HMGN5: variants seen among roughly 807,000 people sequenced by gnomAD.
The protein encoded by HMGN5 is high mobility group nucleosome-binding domain-containing protein 5.
Under a neutral mutation model 9.5 loss-of-function variants are expected in HMGN5, and 4 were observed. The observed-to-expected ratio is 0.42, with a 90% confidence interval of 0.21 to 0.96. HMGN5 has a LOEUF of 0.96. Among genes scored for constraint, HMGN5 ranks in the 40% least tolerant of loss-of-function variants. The pLI, the probability that HMGN5 is intolerant of heterozygous loss-of-function variation, is 0.30. For missense variants in HMGN5, 192 were observed against 187.5 expected (o/e 1.02, Z -0.14); for synonymous variants, 55 against 57.1 (o/e 0.96, Z 0.16).
At chrX:81,151,812 T>G (rs961406980) in intron 1 of HMGN5, among the ~76,000 whole-genome samples, 2 of 110,836 alleles carry the variant, frequency 1.8e-5, no homozygotes, top group African/African-American at 6.6e-5. Context: ...TCCTGAGACT[T>G]TGCTGAAGTT....
intron 1 of HMGN5, among the ~76,000 whole-genome samples, chrX:81,139,147 C>T (rs1363715557): frequency 8.9e-6 from 1 of 112,162 alleles, no homozygotes; most frequent in African/African-American, 3.2e-5. Flanking sequence ...TGAAAATGCA[C>T]AGGTTCTAGA....
rs1294611125 is a variant in HMGN5 at position 81,118,449 on chromosome X, T to C, written c.112A>G (p.Arg38Gly). 1 of 1,179,244 alleles carries C rather than the reference T, an allele frequency of 8.5e-7. No homozygotes were observed. The highest frequency in any genetic ancestry group is 2.3e-5 in the Admixed American group (1 of 43,641). ...ATATTTACCCTTGAACTTGATGTTCTTTTAGGCTTCACCTCTGGTGTAACT... is the reference window on the plus strand; with the variant it reads ...ATATTTACCCTTGAACTTGATGTTCCTTTAGGCTTCACCTCTGGTGTAACT... ...VPVTPEVKPK[R>G]TSSSRKMKTK... The change falls in exon 5 of 7, where the codon AGA (arginine) becomes GGA (glycine). Residue 38 changes from arginine to glycine, a missense_variant. Coordinates refer to ENST00000358130, the MANE Select transcript of HMGN5 (RefSeq NM_030763.3).
chrX:81,196,514 A>T (rs992333186), intron 1 of HMGN5, among the ~76,000 whole-genome samples: 1 of 108,152 alleles, frequency 9.2e-6, no homozygotes, highest in Non-Finnish European at 1.9e-5. Context: ...ATGAGTTCTC[A>T]TGAGATCTCA....
rs1220454733 is a variant in HMGN5, at chrX:81,113,745, A to G, written c.*904T>C. On this transcript the variant is annotated 3_prime_UTR_variant, in exon 7 of 7. Coordinates refer to ENST00000358130, the MANE Select transcript of HMGN5 (RefSeq NM_030763.3). ...AAATGTTCAGAATAGGCAAATCCAT[A>G]GAGATAGAAGGCAGATTAGTGGTTG... 8.9e-6 allele frequency: 1 copy of G among 111,990 alleles called. No homozygotes were observed. The highest frequency in any genetic ancestry group is 1.9e-5 in the Non-Finnish European group (1 of 53,207). The allele number at this position is 111,990 out of a possible 1,213,427, so 9.2% of individuals were successfully genotyped here.
At chrX:81,175,466 G>A (rs1401087942) in intron 1 of HMGN5, among the ~76,000 whole-genome samples, 3 of 111,206 alleles carry the variant, frequency 2.7e-5, no homozygotes, top group South Asian at 3.8e-4. Flanking sequence ...AGAGTTACGA[G>A]ACTTGTGGAA....
chrX:81,181,255 C>T (rs1432499283), intron 1 of HMGN5, among the ~76,000 whole-genome samples: 2 of 110,939 alleles, frequency 1.8e-5, no homozygotes, highest in Admixed American at 9.6e-5. Context: ...AACACCAAAC[C>T]TTATTCATTA....
chrX:81,168,867 T>C (rs1198352977), intron 1 of HMGN5, among the ~76,000 whole-genome samples: 4 of 111,629 alleles, frequency 3.6e-5, no homozygotes, highest in Non-Finnish European at 7.5e-5. Context: ...GATGAGGCTG[T>C]CTTTTGCCTA....
intron 1 of HMGN5, among the ~76,000 whole-genome samples, chrX:81,174,071 T>C (rs769241351): frequency 1.8e-5 from 2 of 111,256 alleles, no homozygotes; most frequent in Non-Finnish European, 3.8e-5. Flanking sequence ...TATTATCATA[T>C]GTAAGATGAT....
chrX:81,195,265 A>C (rs777776922), intron 1 of HMGN5: 34 of 111,635 alleles, frequency 3.0e-4, no homozygotes, highest in African/African-American at 1.1e-3. Flanking sequence ...AAGCTGAAGA[A>C]CTTGTATTCC....
intron 1 of HMGN5, among the ~76,000 whole-genome samples, chrX:81,126,283 C>T (rs374746163): frequency 1.4e-3 from 149 of 109,891 alleles, no homozygotes; most frequent in African/African-American, 4.7e-3. Flanking sequence ...TTGGTAAACA[C>T]GAATTATGTT....
rs752284391 is a variant in HMGN5 at position 81,115,165 on chromosome X, C to A, written c.333G>T (p.Lys111Asn). 8.5e-7 allele frequency: 1 copy of A among 1,171,722 alleles called. No homozygotes were observed. Among genetic ancestry groups the A allele is most frequent in the East Asian group, 3.1e-5 (1 of 32,377 alleles). ...CCACTGCTTCTTTCTTTTCTCCTCC[C>A]TTTTCTGTGGCATCTTCAATATTTT... ...KEENIEDATE[K>N]GGEKKEAVAA... Residue 111 changes from lysine to asparagine, a missense_variant, in exon 7 of 7, where the codon AAG (lysine) becomes AAT (asparagine). By Grantham distance (94) the Lys-to-Asn change is moderately conservative (BLOSUM62 0). Transcript: ENST00000358130.
At chrX:81,151,496 T>C in intron 1 of HMGN5, among the ~76,000 whole-genome samples, 1 of 110,058 alleles carries the variant, frequency 9.1e-6, no homozygotes, top group East Asian at 2.9e-4. Context: ...AAGTCATTGG[T>C]AGCTTGATGG....
rs1347707059 is a variant in HMGN5, at chrX:81,181,258, A to T, written c.-124+20479T>A. On this transcript the variant is annotated intron_variant, in intron 1 of 6. Transcript: ENST00000358130. ...TCACACATCTTTAACACCAAACCTT[A>T]TTCATTATTAATTAAAATTTAAATT... Among the ~76,000 whole-genome samples the T allele has an allele frequency of 4.5e-5, 5 of 111,372 alleles. No homozygotes were observed. In the Admixed American group the frequency reaches 4.8e-4, roughly 11 times the overall value.
At chrX:81,126,606 A>G (rs780205201) in intron 1 of HMGN5, among the ~76,000 whole-genome samples, 2 of 111,759 alleles carry the variant, frequency 1.8e-5, no homozygotes, top group South Asian at 7.5e-4. Flanking sequence ...ATTGCGGATG[A>G]GATTCATTAT....
At chrX:81,117,260 GTT>G (rs72026372) in intron 5 of HMGN5, among the ~76,000 whole-genome samples, 2 of 79,856 alleles carry the variant, frequency 2.5e-5, no homozygotes, top group Admixed American at 1.5e-4. Context: ...TTTTTTTTCC[GTT>G]TTTTTTTTTT....
intron 1 of HMGN5, among the ~76,000 whole-genome samples, chrX:81,153,583 CTATATATATATATATATATATATA>C (rs34937225): frequency 0.028 from 173 of 6,127 alleles, 24 homozygotes; most frequent in East Asian, 0.065. Flanking sequence ...CTCTCTCTCT[CTATATATATATATATATATATATA>C]TATATATATA....
chrX:81,183,662 G>C (rs777237758), intron 1 of HMGN5, among the ~76,000 whole-genome samples: 56 of 113,049 alleles, frequency 5.0e-4, no homozygotes, highest in Admixed American at 1.0e-3. Context: ...GAGCCCTCAT[G>C]GAGAACCTCT....
At chrX:81,193,720 G>T (rs1010955094) in intron 1 of HMGN5, among the ~76,000 whole-genome samples, 6 of 111,925 alleles carry the variant, frequency 5.4e-5, no homozygotes, top group Admixed American at 1.9e-4. Flanking sequence ...AAATGTAAAA[G>T]AATATACAGA....
intron 1 of HMGN5, among the ~76,000 whole-genome samples, chrX:81,173,065 A>C (rs2147636775): frequency 9.0e-6 from 1 of 111,494 alleles, no homozygotes; most frequent in South Asian, 3.7e-4. Flanking sequence ...GCATATATAC[A>C]AAACTTTTTA....
Sources: allele counts gnomAD v4.1 joint callset (sites outside exome capture counted in the v4.1 genomes callset), GRCh38; gene constraint gnomAD v4.1.1; transcripts MANE v1.5; gene names NCBI Gene and HGNC (gene_info 2026-07-23, HGNC 2026-07-21).